The following GNL2 variants were observed in gnomAD, a reference collection of about 807,000 sequenced individuals.
The protein encoded by GNL2 is G protein nucleolar 2.
A neutral mutation model predicts 92.3 loss-of-function variants in GNL2; 51 were observed. The observed-to-expected ratio is 0.55, with a 90% CI of 0.44 to 0.70. The LOEUF (loss-of-function observed/expected upper bound fraction) is 0.70, where lower values mean the gene tolerates loss of function less well. Among genes scored for constraint, GNL2 ranks in the 30% least tolerant of loss-of-function variants. GNL2 has a pLI of 0.00. For synonymous variants in GNL2, 283 were observed against 300.6 expected (o/e 0.94, Z 0.61); for missense variants, 844 against 895.6 (o/e 0.94, Z 0.74).
At position 37,592,745 on chromosome 1, in the gene GNL2, C is replaced by T. The variant is rs749953712; in HGVS notation, c.211G>A (p.Val71Met). 6.2e-7 allele frequency: 1 copy of T among 1,607,660 alleles called. No homozygotes were observed. Among genetic ancestry groups the T allele is most frequent in the Admixed American group, 1.7e-5 (1 of 60,006 alleles). Reference protein sequence around the residue: ...QYQSTVASGTVARVEPNIKWF... With the variant: ...QYQSTVASGTMARVEPNIKWF... Reference sequence around the variant, plus strand: ...TTAATATTTGGCTCTACTCTTGCCACTGTGCCAGAAGCCACCGTTGATTGA... The same window carrying T: ...TTAATATTTGGCTCTACTCTTGCCATTGTGCCAGAAGCCACCGTTGATTGA... The change falls in exon 3 of 16, where the codon GTG (valine) becomes ATG (methionine). Residue 71 changes from valine to methionine, a missense_variant. Coordinates refer to ENST00000373062, the MANE Select transcript of GNL2 (RefSeq NM_013285.3).
intron 5 of GNL2, among the ~76,000 whole-genome samples, chr1:37,585,373 A>G (rs1408061887): frequency 3.3e-5 from 5 of 152,056 alleles, no homozygotes; most frequent in African/African-American, 9.7e-5. Context: ...TTTTTGTTAC[A>G]TATATTTTAC....
chr1:37,582,416 C>A, intron 7 of GNL2, 80 bp from the exon 8 acceptor site: 1 of 808,892 alleles, frequency 1.2e-6, no homozygotes, highest in Non-Finnish European at 2.0e-6. Context: ...GCTTGAATTA[C>A]AGAACTGTTT....
intron 12 of GNL2, 67 bp from the exon 13 acceptor site, chr1:37,569,369 A>G (rs765039325): frequency 1.8e-6 from 2 of 1,093,568 alleles, no homozygotes; most frequent in East Asian, 2.4e-5. Flanking sequence ...TTCTGAACTC[A>G]TATCTTGCTC....
At chr1:37,594,067 GAGA>G (rs1021894661) in intron 1 of GNL2, 12 of 519,744 alleles carry the variant, frequency 2.3e-5, no homozygotes, top group African/African-American at 1.7e-4. Context: ...GATTGTATTT[GAGA>G]AGAATAGCTA....
rs369467500 is a variant in GNL2, at chr1:37,593,839, C to A, written c.72G>T (p.Val24=). ...TCATGTTTTGGCCTCCTGCTCCCTGCACTCGATCTACAAAAGGCAGAAGTA... is the reference window on the plus strand; with the variant it reads ...TCATGTTTTGGCCTCCTGCTCCCTGAACTCGATCTACAAAAGGCAGAAGTA... ...PSKASTNPDR[V]QGAGGQNMRD... Residue 24 remains valine (V), a synonymous_variant, in exon 2 of 16, where the codon GTG becomes GTT. Coordinates refer to ENST00000373062, the MANE Select transcript of GNL2 (RefSeq NM_013285.3). 1.8e-4 allele frequency: 298 copies of A among 1,612,694 alleles called. No individual in the cohort carries two copies. Among genetic ancestry groups the A allele is most frequent in the Non-Finnish European group, 2.3e-4 (272 of 1,179,002 alleles).
In GNL2 at chr1:37,590,470, G is replaced by T. The variant is rs563296324; in HGVS notation, c.384+236C>A. Among the ~76,000 whole-genome samples, 6 of 152,332 alleles carry T rather than the reference G, an allele frequency of 3.9e-5. No homozygotes were observed. The South Asian group carries it at 1.2e-3, about 32-fold the overall frequency. On this transcript the variant is annotated intron_variant, in intron 4 of 15. Coordinates refer to ENST00000373062, the MANE Select transcript of GNL2 (RefSeq NM_013285.3). ...AGAAACCCAACTAAGGGCACAGGAA[G>T]GGATAGAGCAAGGATTAAAATTCAG...
At chr1:37,593,731 A>G (rs1345464322) in intron 2 of GNL2, 31 bp downstream of exon 2, 1 of 1,511,358 alleles carries the variant, frequency 6.6e-7, no homozygotes, top group Non-Finnish European at 9.2e-7. Context: ...CATGAAGGAA[A>G]AGAGAAAGGA....
intron 3 of GNL2, 65 bp from the exon 4 acceptor site, chr1:37,590,910 G>A (rs188213837): frequency 1.0e-5 from 13 of 1,290,536 alleles, no homozygotes; most frequent in East Asian, 4.9e-5. Context: ...CCACTGACAC[G>A]GTGAAAGGCA....
chr1:37,593,961 C>A, intron 1 of GNL2, 115 bp from the exon 2 acceptor site: 1 of 670,224 alleles, frequency 1.5e-6, no homozygotes, highest in East Asian at 2.7e-5. Flanking sequence ...AGCCACCAAC[C>A]ACAAAAATCT....
rs1486202535 is a variant in GNL2 at position 37,569,180 on chromosome 1, G to C, written c.1539C>G (p.Asn513Lys). The C allele has an allele frequency of 6.2e-7, 1 of 1,613,916 alleles. No individual in the cohort carries two copies. The highest frequency in any genetic ancestry group is 2.2e-5 in the East Asian group (1 of 44,902). Residue 513 changes from asparagine (N) to lysine (K), a missense_variant, in exon 13 of 16, where the codon AAC (asparagine) becomes AAG (lysine). Coordinates refer to ENST00000373062, the MANE Select transcript of GNL2 (RefSeq NM_013285.3). ...TCTCTGTGTTAGCATCACAGTGACT[G>C]TTCTCTTCTGTTTCTTCCTTAATGA... ...ESIIKEETEE[N>K]SHCDANTEMQ...
chr1:37,591,120 A>C (rs1024985785), intron 3 of GNL2, among the ~76,000 whole-genome samples: 2 of 152,230 alleles, frequency 1.3e-5, no homozygotes, highest in Non-Finnish European at 2.9e-5. Flanking sequence ...CTGAGAAATA[A>C]ATAGCGTGGA....
At position 37,592,700 on chromosome 1, in the gene GNL2, GA is replaced by G. The variant is rs766285771; in HGVS notation, c.244+11del. On this transcript the variant is annotated intron_variant, in intron 3 of 15. Transcript: ENST00000373062. ...TATTTTGTAGAGCAAAGTAACAGGG[GA>G]TAATACTCACCAAACCATTTAATAT... The G allele has an allele frequency of 7.0e-7, 1 of 1,422,508 alleles. No homozygotes were observed. The highest frequency in any genetic ancestry group is 1.7e-5 in the Admixed American group (1 of 59,622). The allele number at this position is 1,422,508 out of a possible 1,614,324, so 88.1% of individuals were successfully genotyped here.
At chr1:37,573,652 G>A (rs976268299) in intron 12 of GNL2, among the ~76,000 whole-genome samples, 6 of 152,234 alleles carry the variant, frequency 3.9e-5, no homozygotes, top group African/African-American at 7.2e-5. Context: ...TCTTAGCAAT[G>A]ATTCTGTTTC....
Position 37,569,161 on chromosome 1 carries a change from T to G in GNL2, c.1558A>C (p.Thr520Pro). 1.2e-6 allele frequency: 2 copies of G among 1,614,184 alleles called. No individual in the cohort carries two copies. Among genetic ancestry groups the G allele is most frequent in the South Asian group, 2.2e-5 (2 of 91,084 alleles). The change falls in exon 13 of 16, where the codon ACA becomes CCA. Residue 520 changes from threonine (T) to proline (P), a missense_variant. By Grantham distance (38) the Thr-to-Pro change is conservative. Transcript: ENST00000373062. The part of the protein sequence containing the change: ...TEENSHCDAN[T>P]EMQQILTRVR... ...CGTGTGAGAATCTGCTGCATCTCTG[T>G]GTTAGCATCACAGTGACTGTTCTCT...
At chr1:37,591,676 T>C (rs921718611) in intron 3 of GNL2, among the ~76,000 whole-genome samples, 1 of 151,962 alleles carries the variant, frequency 6.6e-6, no homozygotes, top group Admixed American at 6.6e-5. Flanking sequence ...TGGCTAATTT[T>C]TGTATATTTA....
chr1:37,572,235 T>G (rs890793319), intron 12 of GNL2, among the ~76,000 whole-genome samples: 1 of 152,120 alleles, frequency 6.6e-6, no homozygotes, highest in Non-Finnish European at 1.5e-5. Context: ...TGTCTCCCTG[T>G]GATATAAATG....
chr1:37,567,740 C>A lies in GNL2; in HGVS notation c.1976G>T (p.Arg659Leu). 6.2e-7 allele frequency: 1 copy of A among 1,613,656 alleles called. No homozygotes were observed. The highest frequency in any genetic ancestry group is 8.5e-7 in the Non-Finnish European group (1 of 1,179,620). Residue 659 changes from arginine to leucine, a missense_variant, in exon 15 of 16, where the codon CGG becomes CTG. Coordinates refer to ENST00000373062, the MANE Select transcript of GNL2 (RefSeq NM_013285.3). ...CTGTTCCTCTTCCCTTTGTGCCTTC[C>A]GCTTCTTTCCCTTTTTGGAAGGTGC... ...DRAPSKKGKKRKAQREEEQEH... is the reference protein window; with the variant it reads ...DRAPSKKGKKLKAQREEEQEH...
chr1:37,583,094 T>C (rs534102574), intron 6 of GNL2, 158 bp from the exon 7 acceptor site: 2 of 454,010 alleles, frequency 4.4e-6, no homozygotes, highest in Non-Finnish European at 7.6e-6. Context: ...GGCCCAGTGA[T>C]CAGAATTCAA....
At chr1:37,582,437 G>A (rs1215108141) in intron 7 of GNL2, 101 bp from the exon 8 acceptor site, 4 of 667,250 alleles carry the variant, frequency 6.0e-6, no homozygotes, top group African/African-American at 1.9e-5. Context: ...CAAATATACT[G>A]TTGTCTAAGG....
Sources: allele counts gnomAD v4.1 joint callset (sites outside exome capture counted in the v4.1 genomes callset), GRCh38; gene constraint gnomAD v4.1.1; transcripts MANE v1.5; gene names NCBI Gene and HGNC (gene_info 2026-07-23, HGNC 2026-07-21).